Variants in CDK14 observed in about 807,000 individuals in gnomAD.
CDK14 encodes cyclin-dependent kinase 14.
Under a neutral mutation model 60.7 loss-of-function variants are expected in CDK14, and 34 were observed. The ratio of observed to expected loss-of-function variants is 0.56; its 90% CI spans 0.43 to 0.75. The LOEUF is 0.75. Among genes scored for constraint, CDK14 ranks in the 30% least tolerant of loss-of-function variants. The pLI is 0.00. For missense variants in CDK14, 482 were observed against 564.1 expected, an observed-to-expected ratio of 0.85 and a Z score of 1.47; for synonymous variants, 197 against 203.7, an observed-to-expected ratio of 0.97 and a Z score of 0.28.
intron 5 of CDK14, among the ~76,000 whole-genome samples, chr7:90,846,345 C>T (rs906616310): frequency 6.6e-6 from 1 of 152,164 alleles, no homozygotes. Context: ...CATGCACTTA[C>T]AAAGATCTGC....
intron 2 of CDK14, among the ~76,000 whole-genome samples, chr7:90,630,230 A>G (rs992608841): frequency 6.6e-6 from 1 of 152,178 alleles, no homozygotes; most frequent in African/African-American, 2.4e-5. Flanking sequence ...GAAATGTGTC[A>G]TGAGGCAGCT....
At chr7:91,163,129 T>C (rs1188352706) in intron 14 of CDK14, among the ~76,000 whole-genome samples, 4 of 152,200 alleles carry the variant, frequency 2.6e-5, no homozygotes, top group African/African-American at 9.7e-5. Flanking sequence ...ACCCACAAGG[T>C]ATTAGATTGT....
chr7:91,184,911 G>A (rs1349732159), intron 14 of CDK14, among the ~76,000 whole-genome samples: 3 of 151,702 alleles, frequency 2.0e-5, no homozygotes, highest in African/African-American at 7.3e-5. Context: ...TGGGTGAGGT[G>A]AACTCCAGAT....
rs540771284 is a variant in CDK14, at chr7:90,949,195, GTTTGTTTTGT to G, written c.827-6484_827-6475del. ...GTGTGTGTGTATAGTTTTTTTATTT[GTTTGTTTTGT>G]TTTGTTTTGTTTTGTTTAGATGGAG... On this transcript the variant is annotated intron_variant, in intron 8 of 14. Coordinates refer to ENST00000380050, the MANE Select transcript of CDK14 (RefSeq NM_001287135.2). 1.8e-4 allele frequency among the ~76,000 whole-genome samples: 27 copies of G among 151,456 alleles called. No homozygotes were observed. The East Asian group carries it at 1.9e-3, about 11-fold the overall frequency.
intron 2 of CDK14, among the ~76,000 whole-genome samples, chr7:90,651,785 A>G (rs1404412301): frequency 1.3e-5 from 2 of 151,772 alleles, no homozygotes; most frequent in African/African-American, 2.4e-5. Flanking sequence ...CATTGACTTC[A>G]TGGATCTGGC....
At chr7:91,097,147 A>G (rs705356) in intron 12 of CDK14, among the ~76,000 whole-genome samples, 108,241 of 151,990 alleles carry the variant, frequency 0.71, 38,726 homozygotes, top group East Asian at 0.89. Context: ...TTGAGAGGTC[A>G]AGGCAGGTGG....
intron 4 of CDK14, among the ~76,000 whole-genome samples, chr7:90,765,475 C>T (rs920347621): frequency 2.0e-5 from 3 of 151,764 alleles, no homozygotes; most frequent in Admixed American, 1.3e-4. Flanking sequence ...AGAGAGGTGG[C>T]GAGAAAACCA....
At chr7:90,634,766 C>G (rs1216597288) in intron 2 of CDK14, among the ~76,000 whole-genome samples, 1 of 151,914 alleles carries the variant, frequency 6.6e-6, no homozygotes, top group Admixed American at 6.6e-5. Context: ...AAAAGTGTTC[C>G]TATTTGTCCA....
At chr7:91,151,573 G>A (rs1329678942) in intron 14 of CDK14, among the ~76,000 whole-genome samples, 1 of 152,026 alleles carries the variant, frequency 6.6e-6, no homozygotes, top group African/African-American at 2.4e-5. Flanking sequence ...TCTTAACAAT[G>A]CTATTTTAAA....
At chr7:90,642,102 G>C (rs771006467) in intron 2 of CDK14, among the ~76,000 whole-genome samples, 4 of 152,170 alleles carry the variant, frequency 2.6e-5, no homozygotes, top group Non-Finnish European at 4.4e-5. Context: ...GATTTGAGTG[G>C]GGACGCAGAG....
chr7:90,974,869 C>T (rs959621916), intron 9 of CDK14, among the ~76,000 whole-genome samples: 2 of 152,134 alleles, frequency 1.3e-5, no homozygotes, highest in African/African-American at 4.8e-5. Context: ...TGAACAGATA[C>T]ATACATTACA....
chr7:90,619,655 G>A (rs917308810), intron 2 of CDK14, among the ~76,000 whole-genome samples: 1 of 152,102 alleles, frequency 6.6e-6, no homozygotes, highest in Non-Finnish European at 1.5e-5. Flanking sequence ...TGACCGTTAT[G>A]TTTAATTATT....
chr7:90,957,521 A>G (rs1794465779), intron 9 of CDK14, among the ~76,000 whole-genome samples: 1 of 151,954 alleles, frequency 6.6e-6, no homozygotes, highest in Admixed American at 6.6e-5. Context: ...ATACAAAATC[A>G]ATGTACAAAA....
chr7:90,940,518 G>T (rs1322744775), intron 8 of CDK14, among the ~76,000 whole-genome samples: 1 of 152,110 alleles, frequency 6.6e-6, no homozygotes, highest in Non-Finnish European at 1.5e-5. Context: ...GGGTGCAGTG[G>T]CTCATACCTG....
At chr7:90,709,358 C>G in intron 2 of CDK14, 1 of 1,287,204 alleles carries the variant, frequency 7.8e-7, no homozygotes, top group Non-Finnish European at 1.0e-6. Context: ...TACTGGCTTT[C>G]TCCAGTGCTC....
intron 14 of CDK14, among the ~76,000 whole-genome samples, chr7:91,153,793 A>C (rs1800893619): frequency 6.6e-6 from 1 of 152,182 alleles, no homozygotes. Context: ...TAGGCATACT[A>C]CCTGGGTAAC....
intron 5 of CDK14, among the ~76,000 whole-genome samples, chr7:90,840,989 T>C (rs1790270334): frequency 6.6e-6 from 1 of 152,156 alleles, no homozygotes; most frequent in Admixed American, 6.6e-5. Flanking sequence ...CAGGTACATA[T>C]ATGGTGGCAT....
intron 9 of CDK14, among the ~76,000 whole-genome samples, chr7:90,964,646 C>CT (rs1196811337): frequency 6.6e-6 from 1 of 152,048 alleles, no homozygotes; most frequent in Non-Finnish European, 1.5e-5. Flanking sequence ...ACTTTTAACT[C>CT]TTTTAGACAT....
intron 14 of CDK14, among the ~76,000 whole-genome samples, chr7:91,195,926 T>G (rs895007163): frequency 1.3e-5 from 2 of 152,202 alleles, no homozygotes; most frequent in African/African-American, 4.8e-5. Flanking sequence ...TGCATCTGTA[T>G]CCTAACAGGC....
Sources: gnomAD v4.1 joint callset for allele counts (sites outside exome capture counted in the v4.1 genomes callset) on GRCh38, gnomAD v4.1.1 for gene constraint, MANE v1.5 for transcripts, NCBI Gene and HGNC (gene_info 2026-07-23, HGNC 2026-07-21) for gene names.